The following STARD9 variants were observed in gnomAD, a reference collection of about 807,000 sequenced individuals.
The protein encoded by STARD9 is stAR-related lipid transfer protein 9.
A neutral mutation model predicts 399.8 loss-of-function variants in STARD9; 346 were observed. The observed-to-expected ratio is 0.87, with a 90% CI of 0.79 to 0.95. STARD9 has a LOEUF of 0.95. STARD9 is among the 40% of genes least tolerant of loss of function. The pLI is 0.00. For synonymous variants in STARD9, 2,203 were observed against 2,143.5 expected (o/e 1.03, Z -0.77); for missense variants, 5,832 against 5,667.5 (o/e 1.03, Z -0.93).
At position 42,690,244 on chromosome 15, in the gene STARD9, G is replaced by A; in HGVS notation, c.8666G>A (p.Arg2889Lys). ...SVGSGLTEVC[R>K]AGSKHSRPIP... ...GGGTCTGGGTTGACAGAAGTCTGCA[G>A]GGCTGGCAGCAAACATTCCAGGCCA... is the stretch of plus-strand genomic sequence containing the variant. Residue 2889 changes from arginine (R) to lysine (K), a missense_variant, in exon 23 of 33, where the codon AGG (arginine) becomes AAG (lysine). Around this residue, in one of 2 missense-constraint regions of STARD9, gnomAD observed 5,828 missense variants for 5,651.1 expected, o/e 1.03. Transcript: ENST00000290607. 7.8e-6 allele frequency: 12 copies of A among 1,537,538 alleles called. No individual in the cohort carries two copies. Among genetic ancestry groups the A allele is most frequent in the Non-Finnish European group, 1.0e-5 (12 of 1,146,982 alleles).
Position 42,691,795 on chromosome 15 carries a change from C to G in STARD9, c.10217C>G (p.Pro3406Arg), listed in dbSNP as rs1475771989. 6.5e-7 allele frequency: 1 copy of G among 1,537,290 alleles called. No individual in the cohort carries two copies. The highest frequency in any genetic ancestry group is 8.7e-7 in the Non-Finnish European group (1 of 1,146,916). The change falls in exon 23 of 33, where the codon CCT (proline) becomes CGT (arginine). Residue 3406 changes from proline to arginine, a missense_variant. By Grantham distance (103) the Pro-to-Arg change is moderately radical. Transcript: ENST00000290607. Reference protein sequence around the residue: ...DHRHLKPATPPYPMPSTLSHM... With the variant: ...DHRHLKPATPRYPMPSTLSHM... ...AGGCACCTGAAGCCTGCCACCCCTCCTTATCCAATGCCTTCCACTCTCTCA... is the reference window on the plus strand; with the variant it reads ...AGGCACCTGAAGCCTGCCACCCCTCGTTATCCAATGCCTTCCACTCTCTCA...
At position 42,689,958 on chromosome 15, in the gene STARD9, G is replaced by A. The variant is rs2060651693; in HGVS notation, c.8380G>A (p.Gly2794Arg). 12 of 1,537,632 alleles carry A rather than the reference G, an allele frequency of 7.8e-6. No individual in the cohort carries two copies. Among genetic ancestry groups the A allele is most frequent in the East Asian group, 2.4e-5 (1 of 40,934 alleles). ...QEPRTLDTTYGEVSDNLLVTA... is the reference protein window; with the variant it reads ...QEPRTLDTTYREVSDNLLVTA... ...ACCCAGAACTCTAGACACCACATAT[G>A]GAGAAGTTTCAGATAATTTGTTAGT... The change falls in exon 23 of 33, where the codon GGA (glycine) becomes AGA (arginine). Residue 2794 changes from glycine to arginine, a missense_variant. Around this residue, in one of 2 missense-constraint regions of STARD9, gnomAD observed 5,828 missense variants for 5,651.1 expected, o/e 1.03. Transcript: ENST00000290607.
At chr15:42,704,291 C>CTTA (rs1645085358) in intron 26 of STARD9, among the ~76,000 whole-genome samples, 1 of 152,162 alleles carries the variant, frequency 6.6e-6, no homozygotes, top group South Asian at 2.1e-4. Flanking sequence ...GTTTATTGGG[C>CTTA]TACCTCAAAA....
chr15:42,643,799 C>A (rs1004352914), intron 7 of STARD9, among the ~76,000 whole-genome samples: 1 of 152,178 alleles, frequency 6.6e-6, no homozygotes. Context: ...TCCTTGTAAG[C>A]ATGACTTTAG....
intron 26 of STARD9, among the ~76,000 whole-genome samples, chr15:42,699,662 G>A (rs1356393548): frequency 6.6e-6 from 1 of 151,244 alleles, no homozygotes; most frequent in Non-Finnish European, 1.5e-5. Flanking sequence ...CAAAATGCTG[G>A]GATTACAGAC....
In STARD9 at chr15:42,685,137, A is replaced by T; in HGVS notation, c.3559A>T (p.Thr1187Ser). The T allele has an allele frequency of 6.5e-7, 1 of 1,537,214 alleles. No individual in the cohort carries two copies. Among genetic ancestry groups the T allele is most frequent in the Non-Finnish European group, 8.7e-7 (1 of 1,146,914 alleles). ...TRTRASVRGF[T>S]AASDSDLLAQ... ...AACTAGAGCTTCTGTGAGGGGCTTC[A>T]CTGCAGCCTCAGACAGTGACCTACT... is the stretch of plus-strand genomic sequence containing the variant. Residue 1187 changes from threonine (T) to serine (S), a missense_variant, in exon 23 of 33, where the codon ACT becomes TCT. This residue lies in a region of STARD9 where 5,828 missense variants were observed against 5,651.1 expected (regional missense o/e 1.03). Transcript: ENST00000290607.
chr15:42,597,363 A>G (rs940488653), intron 3 of STARD9, among the ~76,000 whole-genome samples: 8 of 151,980 alleles, frequency 5.3e-5, no homozygotes, highest in African/African-American at 1.9e-4. Context: ...GCATGCATAT[A>G]TATGTATATT....
At chr15:42,609,294 C>A (rs1352590644) in intron 3 of STARD9, among the ~76,000 whole-genome samples, 7 of 152,196 alleles carry the variant, frequency 4.6e-5, no homozygotes, top group Non-Finnish European at 7.3e-5. Flanking sequence ...CCCAAGTCCT[C>A]TCTCTAACCC....
At position 42,581,049 on chromosome 15, in the gene STARD9, CTG is replaced by C; in HGVS notation, c.48-2295_48-2294del. The stretch of plus-strand genomic sequence containing the variant: ...TGGTATTGCCTCTTCTGTCTTTTCA[CTG>C]TTGATCCTATTGGCCAAATCAGGTG... On this transcript the variant is annotated intron_variant, in intron 1 of 32. Transcript: ENST00000290607. 3 of 532,768 alleles carry C rather than the reference CTG, an allele frequency of 5.6e-6. No homozygotes were observed. In the East Asian group the frequency reaches 1.2e-4, roughly 22 times the overall value. The allele number at this position is 532,768 out of a possible 1,614,324, so 33.0% of individuals were successfully genotyped here. A position where few individuals can be genotyped will look rare whatever the true frequency, so the allele number is the denominator to read the frequency against.
intron 3 of STARD9, among the ~76,000 whole-genome samples, chr15:42,607,536 T>G (rs1440290397): frequency 6.6e-6 from 1 of 151,716 alleles, no homozygotes; most frequent in East Asian, 1.9e-4. Context: ...AGATTCTTTC[T>G]CATCTGTGGA....
rs56286330 is a variant in STARD9, at chr15:42,658,288, G to GGTGTGTGTGTGT, written c.703-2851_703-2840dup. ...GCCTCCCAAGTAGCTGGGACTTACA[G>GGTGTGTGTGTGT]GTGTGTGTGTGTGTGTGTGTGTGTG... On this transcript the variant is annotated intron_variant, in intron 9 of 32. Transcript: ENST00000290607. Among the ~76,000 whole-genome samples, 150 of 145,956 alleles carry GGTGTGTGTGTGT rather than the reference G, an allele frequency of 1.0e-3. 1 individual carries two copies. The highest frequency in any genetic ancestry group is 5.7e-3 in the South Asian group (25 of 4,374).
chr15:42,682,573 C>T lies in STARD9; in HGVS notation c.2535C>T (p.His845=), dbSNP rs774851754. 8.5e-6 allele frequency: 13 copies of T among 1,530,234 alleles called. No individual in the cohort carries two copies. Among genetic ancestry groups the T allele is most frequent in the Non-Finnish European group, 1.1e-5 (13 of 1,142,378 alleles). The allele number at this position is 1,530,234 out of a possible 1,614,324, so 94.8% of individuals were successfully genotyped here. ...GCAGCAAGCACATGCCCCAGCTACA[C>T]AGGTACAGCCAGTAGTTGTCACTGG... The part of the protein sequence containing the change: ...RLCSKHMPQL[H]SIFLSWDPST... The change falls in exon 22 of 33, where the codon CAC becomes CAT. Residue 845 remains histidine (H), a splice_region_variant and synonymous_variant. Transcript: ENST00000290607.
intron 26 of STARD9, among the ~76,000 whole-genome samples, chr15:42,709,840 A>G (rs144760976): frequency 4.6e-5 from 7 of 152,272 alleles, no homozygotes; most frequent in African/African-American, 1.7e-4. Flanking sequence ...CATTTATTCT[A>G]CATTTATTAA....
chr15:42,665,889 T>C (rs1199014479), intron 15 of STARD9, 41 bp downstream of exon 15: 2 of 1,496,880 alleles, frequency 1.3e-6, no homozygotes, highest in Admixed American at 3.9e-5. Flanking sequence ...TTACATCACC[T>C]GGGAGCTCCT....
In STARD9 at chr15:42,695,186, G is replaced by C. The variant is rs1229175916; in HGVS notation, c.13009G>C (p.Glu4337Gln). Reference sequence around the variant, plus strand: ...GTCAGCTCACACACCCTCTGACATAGAGTTGATGCTGCAAGACTACCAGCA... The same window carrying C: ...GTCAGCTCACACACCCTCTGACATACAGTTGATGCTGCAAGACTACCAGCA... The part of the protein sequence containing the change: ...SRSAHTPSDI[E>Q]LMLQDYQQAH... Residue 4337 changes from glutamate (E) to glutamine (Q), a missense_variant, in exon 25 of 33, where the codon GAG (glutamate) becomes CAG (glutamine). Coordinates refer to ENST00000290607, the MANE Select transcript of STARD9 (RefSeq NM_020759.3). 3.9e-6 allele frequency: 6 copies of C among 1,536,990 alleles called. No homozygotes were observed. Among genetic ancestry groups the C allele is most frequent in the Admixed American group, 3.9e-5 (2 of 50,978 alleles).
At chr15:42,581,441 G>T in intron 1 of STARD9, 1 of 1,530,772 alleles carries the variant, frequency 6.5e-7, no homozygotes, top group Non-Finnish European at 9.0e-7. Flanking sequence ...GGGTGGGGAA[G>T]GCGCGGCTCT....
At chr15:42,637,333 C>T (rs940507185) in intron 4 of STARD9, among the ~76,000 whole-genome samples, 4 of 152,088 alleles carry the variant, frequency 2.6e-5, no homozygotes, top group Non-Finnish European at 1.5e-5. Context: ...CCACCTTAGC[C>T]TCCCGATTAG....
At chr15:42,579,376 A>G (rs1377865661) in intron 1 of STARD9, among the ~76,000 whole-genome samples, 1 of 152,234 alleles carries the variant, frequency 6.6e-6, no homozygotes, top group African/African-American at 2.4e-5. Context: ...CACCTTCTTA[A>G]CACTGGAAGA....
intron 18 of STARD9, chr15:42,675,424 C>T: frequency 3.8e-6 from 2 of 531,052 alleles, no homozygotes; most frequent in Non-Finnish European, 6.7e-6. Context: ...ATCAAGTGTT[C>T]CCTGACTACT....
Sources: allele counts gnomAD v4.1 joint callset (sites outside exome capture counted in the v4.1 genomes callset), GRCh38; gene constraint gnomAD v4.1.1; regional missense constraint gnomAD v4.1.1; transcripts MANE v1.5; gene names NCBI Gene and HGNC (gene_info 2026-07-23, HGNC 2026-07-21).